The following NUP188 variants were observed in gnomAD, a reference collection of about 807,000 sequenced individuals.
The protein encoded by NUP188 is nucleoporin NUP188.
In NUP188, 97 loss-of-function variants were observed where a neutral mutation model predicts 223.0. That is an observed-to-expected ratio of 0.43 (90% confidence interval 0.37 to 0.51). The LOEUF is 0.51. Among genes scored for constraint, NUP188 ranks in the 20% least tolerant of loss-of-function variants. The pLI is 0.00. For missense variants in NUP188, 1,947 were observed against 2,175.6 expected (o/e 0.89, Z 2.09); for synonymous variants, 869 against 828.0 (o/e 1.05, Z -0.85).
At chr9:128,990,300 T>G in intron 25 of NUP188, 74 bp downstream of exon 25, 1 of 1,160,000 alleles carries the variant, frequency 8.6e-7, no homozygotes, top group South Asian at 1.2e-5. Flanking sequence ...AAAGACATGC[T>G]CAGGCCACGT....
intron 30 of NUP188, among the ~76,000 whole-genome samples, chr9:128,996,369 C>T (rs1458963241): frequency 6.6e-6 from 1 of 152,106 alleles, no homozygotes; most frequent in African/African-American, 2.4e-5. Flanking sequence ...AGGCTGGTCT[C>T]GAACTCCTGA....
intron 22 of NUP188, among the ~76,000 whole-genome samples, 189 bp downstream of exon 22, chr9:128,987,064 TGAGAGAGAGAGA>T: frequency 9.0e-6 from 1 of 111,078 alleles, no homozygotes; most frequent in East Asian, 2.4e-4. Context: ...GAAGTAGGAA[TGAGAGAGAGAGA>T]GAGAGAGAGA....
intron 8 of NUP188, among the ~76,000 whole-genome samples, chr9:128,960,488 T>G (rs1346592694): frequency 6.6e-6 from 1 of 152,188 alleles, no homozygotes; most frequent in African/African-American, 2.4e-5. Context: ...TAAAAAATAT[T>G]TAATAGATGA....
intron 24 of NUP188, 143 bp from the exon 25 acceptor site, chr9:128,989,977 C>A: frequency 1.5e-6 from 1 of 679,798 alleles, no homozygotes; most frequent in Non-Finnish European, 2.7e-6. Context: ...AAGGATACAG[C>A]CACCTAGGTT....
Position 128,995,383 on chromosome 9 carries a change from T to C in NUP188, c.3220T>C (p.Tyr1074His). The part of the protein sequence containing the change: ...KKFSIEKRFA[Y>H]WSGYVKSLAV... ...ATTTTCCATCGAGAAACGCTTTGCCTACTGGTCAGGGTATGTCAAGTCATT... is the reference window on the plus strand; with the variant it reads ...ATTTTCCATCGAGAAACGCTTTGCCCACTGGTCAGGGTATGTCAAGTCATT... Residue 1074 changes from tyrosine to histidine, a missense_variant, in exon 30 of 44, where the codon TAC becomes CAC. Coordinates refer to ENST00000372577, the MANE Select transcript of NUP188 (RefSeq NM_015354.3). The C allele has an allele frequency of 1.2e-6, 2 of 1,614,158 alleles. No homozygotes were observed. Among genetic ancestry groups the C allele is most frequent in the Non-Finnish European group, 1.7e-6 (2 of 1,179,978 alleles).
intron 8 of NUP188, 110 bp from the exon 9 acceptor site, chr9:128,968,396 C>T: frequency 1.3e-6 from 1 of 779,878 alleles, no homozygotes; most frequent in Non-Finnish European, 2.1e-6. Context: ...TCTGCCACTG[C>T]ACTGTATCCT....
At chr9:128,990,003 A>AGGG (rs1035879627) in intron 24 of NUP188, 117 bp from the exon 25 acceptor site, 1 of 780,456 alleles carries the variant, frequency 1.3e-6, no homozygotes, top group African/African-American at 1.7e-5. Flanking sequence ...TGGCCCTCCA[A>AGGG]GTACTTGAGG....
chr9:128,984,124 A>ATTTT (rs1193631566), intron 19 of NUP188, among the ~76,000 whole-genome samples: 3 of 93,052 alleles, frequency 3.2e-5, no homozygotes, highest in East Asian at 3.4e-4. Flanking sequence ...GCCTGGCCTG[A>ATTTT]TTTTTTTTTT....
In NUP188 at chr9:128,995,616, G is replaced by T. The variant is rs939747548; in HGVS notation, c.3351+102G>T. ...TCCTTGTGCGGAAGAATTAATCAGG[G>T]TTTATCCCTGAGAGCTAAACTGTAA... On this transcript the variant is annotated intron_variant, in intron 30 of 43. Transcript: ENST00000372577. The T allele has an allele frequency of 9.6e-6, 10 of 1,038,068 alleles. No individual in the cohort carries two copies. In the Admixed American group the frequency reaches 2.1e-4, roughly 22 times the overall value. The allele number at this position is 1,038,068 out of a possible 1,614,324, so 64.3% of individuals were successfully genotyped here.
At chr9:128,991,792 G>A (rs1386933504) in intron 25 of NUP188, among the ~76,000 whole-genome samples, 5 of 146,678 alleles carry the variant, frequency 3.4e-5, no homozygotes, top group East Asian at 2.0e-4. Flanking sequence ...GCAGTGAGCC[G>A]AGTTCACACC....
intron 38 of NUP188, chr9:129,004,425 C>T (rs1454339516): frequency 1.3e-5 from 2 of 152,162 alleles, no homozygotes. Context: ...GGTTGTATGA[C>T]CTTGGCCAAG....
rs1842713395 is a variant in NUP188 at position 129,003,467 on chromosome 9, GAT to G, written c.4434+14_4434+15del. 1 of 1,607,214 alleles carries G rather than the reference GAT, an allele frequency of 6.2e-7. No individual in the cohort carries two copies. Among genetic ancestry groups the G allele is most frequent in the Admixed American group, 1.7e-5 (1 of 59,976 alleles). On this transcript the variant is annotated intron_variant, in intron 38 of 43. Transcript: ENST00000372577. The stretch of plus-strand genomic sequence containing the variant: ...GCGTGATATCCAGGTGGGGGCCCAA[GAT>G]GGTGTCTTGGAGTCTGGGGTAATGC...
Position 129,006,982 on chromosome 9 carries a change from A to C in NUP188, c.*304A>C. 3.2e-6 allele frequency: 1 copy of C among 315,498 alleles called. No homozygotes were observed. Among genetic ancestry groups the C allele is most frequent in the South Asian group, 8.5e-5 (1 of 11,788 alleles). 19.5% of individuals were successfully genotyped at this position (315,498 alleles called of 1,614,324 possible). A position where few individuals can be genotyped will look rare whatever the true frequency, so the allele number is the denominator to read the frequency against. On this transcript the variant is annotated 3_prime_UTR_variant, in exon 44 of 44. Coordinates refer to ENST00000372577, the MANE Select transcript of NUP188 (RefSeq NM_015354.3). The stretch of plus-strand genomic sequence containing the variant: ...CACTGCCGGCCAGGGGAGAGGCGGC[A>C]GCCCAGCAGAGGGCTCTATGCACGG...
chr9:128,981,497 C>G (rs1202227498), intron 15 of NUP188, 107 bp downstream of exon 15: 14 of 1,154,234 alleles, frequency 1.2e-5, no homozygotes, highest in East Asian at 4.9e-5. Context: ...ACTGCAGCCT[C>G]AAATTCTTGG....
chr9:128,983,220 G>T, intron 17 of NUP188, 73 bp from the exon 18 acceptor site: 1 of 1,443,796 alleles, frequency 6.9e-7, no homozygotes. Context: ...GGAGAGAGAA[G>T]TGGAAAAATG....
Position 128,969,487 on chromosome 9 carries a change from G to A in NUP188, c.885G>A (p.Gln295=). ...CALDDRRELH[Q]FAQDGLICQD... is the part of the protein sequence containing the mutation. ...TGGATGACAGAAGAGAACTGCATCA[G>A]TTTGCGCAGGATGGGCTTATTTGTC... Residue 295 remains glutamine (Q), a synonymous_variant, in exon 10 of 44, where the codon CAG becomes CAA. Coordinates refer to ENST00000372577, the MANE Select transcript of NUP188 (RefSeq NM_015354.3). The A allele has an allele frequency of 6.3e-7, 1 of 1,586,832 alleles. No homozygotes were observed. The highest frequency in any genetic ancestry group is 8.5e-7 in the Non-Finnish European group (1 of 1,170,444).
chr9:128,983,578 A>G, intron 19 of NUP188, 28 bp downstream of exon 19: 2 of 1,512,526 alleles, frequency 1.3e-6, no homozygotes, highest in Non-Finnish European at 1.8e-6. Context: ...GTGGTGGGCC[A>G]TATTCCCTAG....
chr9:128,991,301 A>G (rs569560410), intron 25 of NUP188, among the ~76,000 whole-genome samples: 2 of 151,044 alleles, frequency 1.3e-5, no homozygotes, highest in African/African-American at 4.9e-5. Flanking sequence ...GTACTTTGGG[A>G]GGCTGAAGCA....
intron 12 of NUP188, among the ~76,000 whole-genome samples, chr9:128,974,795 A>T (rs1184727044): frequency 6.7e-6 from 1 of 149,428 alleles, no homozygotes; most frequent in Non-Finnish European, 1.5e-5. Flanking sequence ...TTTTGGAGAC[A>T]GGCTGGAGTG....
Sources: gnomAD v4.1 joint callset for allele counts (sites outside exome capture counted in the v4.1 genomes callset) on GRCh38, gnomAD v4.1.1 for gene constraint, MANE v1.5 for transcripts, NCBI Gene and HGNC (gene_info 2026-07-23, HGNC 2026-07-21) for gene names.